The following UGGT1 variants were observed in gnomAD, a reference collection of about 807,000 sequenced individuals.
UGGT1 encodes the protein UDP-glucose:glycoprotein glucosyltransferase 1.
In UGGT1, 107 loss-of-function variants were observed where a neutral mutation model predicts 203.9. The observed-to-expected ratio is 0.52, with a 90% confidence interval of 0.45 to 0.62. UGGT1 has a LOEUF of 0.62. Ranked by LOEUF, UGGT1 falls within the 20% of genes least tolerant of loss-of-function variation. The probability of loss-of-function intolerance (pLI) is 0.00; values close to 1 mark genes in which losing one functional copy is unlikely to be tolerated. For synonymous variants in UGGT1, 628 were observed against 653.5 expected (o/e 0.96, Z 0.59); for missense variants, 1,673 against 1,867.2 (o/e 0.90, Z 1.92).
At chr2:128,139,881 A>G (rs10194565) in intron 16 of UGGT1, 20,534 of 153,522 alleles carry the variant, frequency 0.13, 1,517 homozygotes, top group Non-Finnish European at 0.16. Context: ...CATGAAGGCA[A>G]TCTGGCCACT....
intron 25 of UGGT1, among the ~76,000 whole-genome samples, chr2:128,162,464 T>A (rs967127930): frequency 1.3e-5 from 2 of 152,058 alleles, no homozygotes; most frequent in African/African-American, 4.8e-5. Context: ...TCTGCTGGGT[T>A]TTTTTCTTAC....
At position 128,097,442 on chromosome 2, in the gene UGGT1, A is replaced by G; in HGVS notation, c.72A>G (p.Lys24=). 1 of 1,608,654 alleles carries G rather than the reference A, an allele frequency of 6.2e-7. No individual in the cohort carries two copies. Among genetic ancestry groups the G allele is most frequent in the Non-Finnish European group, 8.5e-7 (1 of 1,178,722 alleles). ...TTTTCCTTTTAGGAGTTTGCTATAA[A>G]ATGGGAGTTCTGGTTGTACTCACTG... ...GALPVTGVCY[K]MGVLVVLTVL... The change falls in exon 2 of 41, where the codon AAA becomes AAG. Residue 24 remains lysine, a synonymous_variant. Coordinates refer to ENST00000259253, the MANE Select transcript of UGGT1 (RefSeq NM_020120.4).
intron 10 of UGGT1, among the ~76,000 whole-genome samples, chr2:128,121,499 A>G (rs1449621998): frequency 7.0e-6 from 1 of 142,282 alleles, no homozygotes; most frequent in Admixed American, 7.7e-5. Flanking sequence ...TCCGCCTCCC[A>G]GGTTCAAGCG....
intron 2 of UGGT1, among the ~76,000 whole-genome samples, chr2:128,103,514 T>C (rs904957223): frequency 1.3e-5 from 2 of 152,186 alleles, no homozygotes; most frequent in African/African-American, 4.8e-5. Context: ...GGGAGAACTT[T>C]AGGCAAAACA....
intron 37 of UGGT1, 121 bp from the exon 38 acceptor site, chr2:128,183,554 A>G: frequency 5.9e-6 from 4 of 674,108 alleles, no homozygotes; most frequent in Non-Finnish European, 1.0e-5. Flanking sequence ...GTAGGGCTGT[A>G]GCATACCTTT....
At chr2:128,154,816 A>G (rs958679993) in intron 19 of UGGT1, among the ~76,000 whole-genome samples, 2 of 152,166 alleles carry the variant, frequency 1.3e-5, no homozygotes, top group African/African-American at 4.8e-5. Context: ...GGGTGCAATA[A>G]TGTTTAAGAT....
chr2:128,101,402 G>C (rs1687367649), intron 2 of UGGT1, among the ~76,000 whole-genome samples: 1 of 152,188 alleles, frequency 6.6e-6, no homozygotes, highest in Non-Finnish European at 1.5e-5. Flanking sequence ...CCTGATGTTT[G>C]TGAAGGAGTT....
chr2:128,158,538 G>T (rs1174283390), intron 22 of UGGT1, among the ~76,000 whole-genome samples: 2 of 152,212 alleles, frequency 1.3e-5, no homozygotes, highest in Admixed American at 6.5e-5. Flanking sequence ...ACAAGTAGGG[G>T]TATAGAGTCC....
intron 18 of UGGT1, among the ~76,000 whole-genome samples, chr2:128,146,539 A>G (rs1430150473): frequency 6.9e-6 from 1 of 145,152 alleles, no homozygotes; most frequent in East Asian, 2.0e-4. Context: ...GGAGAGACTC[A>G]ATATTATTTT....
intron 25 of UGGT1, among the ~76,000 whole-genome samples, chr2:128,164,221 G>A (rs1040626127): frequency 1.3e-5 from 2 of 152,158 alleles, no homozygotes; most frequent in Admixed American, 1.3e-4. Context: ...CCAAGGAAAG[G>A]ATTTTTATAA....
At chr2:128,162,883 AG>A (rs1366380196) in intron 25 of UGGT1, among the ~76,000 whole-genome samples, 4 of 152,186 alleles carry the variant, frequency 2.6e-5, no homozygotes, top group African/African-American at 9.7e-5. Flanking sequence ...TAGGGAAATC[AG>A]GTAGTCATGG....
chr2:128,091,713 A>T, intron 1 of UGGT1: 1 of 712,368 alleles, frequency 1.4e-6, no homozygotes, highest in Non-Finnish European at 2.0e-6. Context: ...CCTACCATGG[A>T]TTTAGACCAA....
intron 26 of UGGT1, among the ~76,000 whole-genome samples, chr2:128,168,480 A>G (rs1690907985): frequency 6.6e-6 from 1 of 152,156 alleles, no homozygotes; most frequent in African/African-American, 2.4e-5. Flanking sequence ...GTTTTGTGGT[A>G]TTCTTTTGTA....
At position 128,091,372 on chromosome 2, in the gene UGGT1, A is replaced by G; in HGVS notation, c.15A>G (p.Gly5=). The G allele has an allele frequency of 6.4e-7, 1 of 1,572,472 alleles. No individual in the cohort carries two copies. Among genetic ancestry groups the G allele is most frequent in the South Asian group, 1.2e-5 (1 of 85,672 alleles). Reference sequence around the variant, plus strand: ...ACGGCCCGGGCATGGGCTGCAAGGGAGACGCGAGCGGTGCGTGTGCCGCGG... The same window carrying G: ...ACGGCCCGGGCATGGGCTGCAAGGGGGACGCGAGCGGTGCGTGTGCCGCGG... MGCK[G]DASGACAAGA... is the part of the protein sequence containing the mutation. The change falls in exon 1 of 41, where the codon GGA becomes GGG. Residue 5 remains glycine (G), a synonymous_variant. Transcript: ENST00000259253.
intron 19 of UGGT1, among the ~76,000 whole-genome samples, chr2:128,154,053 G>GTA (rs201738508): frequency 6.8e-5 from 8 of 117,660 alleles, no homozygotes; most frequent in Non-Finnish European, 1.1e-4. Flanking sequence ...AAAAATACAT[G>GTA]TATATATACA....
chr2:128,150,410 C>T (rs1689891141), intron 18 of UGGT1, among the ~76,000 whole-genome samples: 1 of 152,218 alleles, frequency 6.6e-6, no homozygotes, highest in African/African-American at 2.4e-5. Context: ...GTCTGAGCAA[C>T]AGGGCATGAC....
In UGGT1 at chr2:128,115,197, C is replaced by G; in HGVS notation, c.770C>G (p.Ala257Gly). Residue 257 changes from alanine (A) to glycine (G), a missense_variant, in exon 7 of 41, where the codon GCC becomes GGC. Coordinates refer to ENST00000259253, the MANE Select transcript of UGGT1 (RefSeq NM_020120.4). ...GCCATTAAGAGCACTGAGTACAAGG[C>G]CAAGGATGATACTCAGGTGAAAGGT... is the stretch of plus-strand genomic sequence containing the variant. ...ELAIKSTEYK[A>G]KDDTQVKGTE... 6.2e-7 allele frequency: 1 copy of G among 1,613,800 alleles called. No individual in the cohort carries two copies. The highest frequency in any genetic ancestry group is 8.5e-7 in the Non-Finnish European group (1 of 1,179,870).
chr2:128,117,972 GT>G (rs1688198976), intron 8 of UGGT1, among the ~76,000 whole-genome samples: 1 of 99,834 alleles, frequency 1.0e-5, no homozygotes, highest in African/African-American at 6.9e-5. Context: ...GTGTGTGTGT[GT>G]GTGTCTGTGT....
intron 4 of UGGT1, among the ~76,000 whole-genome samples, chr2:128,109,153 A>C (rs1419208080): frequency 1.3e-5 from 2 of 151,820 alleles, no homozygotes; most frequent in Non-Finnish European, 2.9e-5. Context: ...CTGCCCCGCA[A>C]ATTGCTGGGA....
Sources: gnomAD v4.1 joint callset for allele counts (sites outside exome capture counted in the v4.1 genomes callset) on GRCh38, gnomAD v4.1.1 for gene constraint, MANE v1.5 for transcripts, NCBI Gene and HGNC (gene_info 2026-07-23, HGNC 2026-07-21) for gene names.